CNEP1R1: variants seen among roughly 807,000 people sequenced by gnomAD.
The protein encoded by CNEP1R1 is nuclear envelope phosphatase-regulatory subunit 1.
Under a neutral mutation model 22.7 loss-of-function variants are expected in CNEP1R1, and 10 were observed. The ratio of observed to expected loss-of-function variants is 0.44; its 90% confidence interval spans 0.27 to 0.75. The LOEUF is 0.75. CNEP1R1 is among the 30% of genes least tolerant of loss of function. CNEP1R1 has a pLI of 0.17. For missense variants in CNEP1R1, 73 were observed against 151.5 expected, an observed-to-expected ratio of 0.48 and a Z score of 2.72; for synonymous variants, 53 against 50.1, an observed-to-expected ratio of 1.06 and a Z score of -0.25.
At position 50,036,923 on chromosome 16, in the gene CNEP1R1, AG is replaced by A. The variant is rs2036284725; in HGVS notation, c.*1466del. The A allele has an allele frequency of 6.6e-6, 1 of 152,666 alleles. No individual in the cohort carries two copies. The highest frequency in any genetic ancestry group is 2.4e-5 in the African/African-American group (1 of 41,462). The allele number at this position is 152,666 out of a possible 1,614,324, so 9.5% of individuals were successfully genotyped here. ...CATTTAACTTAAATGTGTTCATCTT[AG>A]CTTTCACTTGTATAAAATTTGATTC... On this transcript the variant is annotated 3_prime_UTR_variant, in exon 6 of 6. Coordinates refer to ENST00000427478, the MANE Select transcript of CNEP1R1 (RefSeq NM_001281789.2).
Position 50,035,514 on chromosome 16 carries a change from C to A in CNEP1R1, c.*56C>A. The A allele has an allele frequency of 7.8e-7, 1 of 1,283,840 alleles. No homozygotes were observed. Among genetic ancestry groups the A allele is most frequent in the African/African-American group, 1.5e-5 (1 of 67,876 alleles). 79.5% of individuals were successfully genotyped at this position (1,283,840 alleles called of 1,614,324 possible). A position where few individuals can be genotyped will look rare whatever the true frequency, so the allele number is the denominator to read the frequency against. On this transcript the variant is annotated 3_prime_UTR_variant, in exon 6 of 6. Coordinates refer to ENST00000427478, the MANE Select transcript of CNEP1R1 (RefSeq NM_001281789.2). ...ATAGCCTTTCTTCGAATAAGTGATA[C>A]AGCAAAAAGCCATAAAGGATTCCTT...
chr16:50,031,136 C>G (rs2036227884), intron 3 of CNEP1R1, among the ~76,000 whole-genome samples: 2 of 152,144 alleles, frequency 1.3e-5, no homozygotes, highest in East Asian at 1.9e-4. Flanking sequence ...TAAAAATCCC[C>G]TCCCCGCTTT....
At chr16:50,033,374 T>G in intron 3 of CNEP1R1, 23 bp from the exon 4 acceptor site, 1 of 1,274,810 alleles carries the variant, frequency 7.8e-7, no homozygotes. Flanking sequence ...AACATTTTTA[T>G]ATTTTCATCT....
At chr16:50,032,384 T>C (rs990273429) in intron 3 of CNEP1R1, among the ~76,000 whole-genome samples, 4 of 152,244 alleles carry the variant, frequency 2.6e-5, no homozygotes, top group African/African-American at 9.6e-5. Context: ...TCTGCTATCA[T>C]TTGATATGTC....
rs76895507 is a variant in CNEP1R1 at position 50,035,195 on chromosome 16, T to C, written c.337-222T>C. ...AGCAAGACACCGTCTCTACAAAAAA[T>C]GAAAAGAGGAGAAAAAAAGATGTAT... On this transcript the variant is annotated intron_variant, in intron 5 of 5. Transcript: ENST00000427478. 7.2e-3 allele frequency among the ~76,000 whole-genome samples: 1,091 copies of C among 151,556 alleles called. 17 individuals are homozygous for C. The highest frequency in any genetic ancestry group is 0.025 in the African/African-American group (1,045 of 41,304).
chr16:50,035,374 T>G, intron 5 of CNEP1R1, 43 bp from the exon 6 acceptor site: 1 of 1,145,030 alleles, frequency 8.7e-7, no homozygotes. Flanking sequence ...GTATTTTTAC[T>G]AGAACTGTGT....
chr16:50,030,687 G>T (rs2036223981), intron 3 of CNEP1R1, among the ~76,000 whole-genome samples: 1 of 152,164 alleles, frequency 6.6e-6, no homozygotes. Context: ...GCCAGAATTG[G>T]ATTATAAATT....
rs2036277529 is a variant in CNEP1R1, at chr16:50,036,267, T to C, written c.*809T>C. On this transcript the variant is annotated 3_prime_UTR_variant, in exon 6 of 6. Transcript: ENST00000427478. Reference sequence around the variant, plus strand: ...GATTCTCCTGCTTCAGCCTTCTGAGTAGCTGGGACTACAGGCGCATGCCAC... The same window carrying C: ...GATTCTCCTGCTTCAGCCTTCTGAGCAGCTGGGACTACAGGCGCATGCCAC... 6.6e-6 allele frequency: 1 copy of C among 151,728 alleles called. No homozygotes were observed. The highest frequency in any genetic ancestry group is 2.4e-5 in the African/African-American group (1 of 41,246). The allele number at this position is 151,728 out of a possible 1,614,324, so 9.4% of individuals were successfully genotyped here.
intron 1 of CNEP1R1, 191 bp downstream of exon 1, chr16:50,025,531 T>A: frequency 8.9e-7 from 1 of 1,120,788 alleles, no homozygotes. Flanking sequence ...GCTCCCTGAG[T>A]CCCCACAAAC....
intron 1 of CNEP1R1, chr16:50,025,890 A>G (rs373939451): frequency 1.5e-4 from 90 of 590,944 alleles, no homozygotes; most frequent in South Asian, 7.2e-4. Context: ...ACTCGCTATC[A>G]GTGTCAAGAA....
At chr16:50,033,532 C>T in intron 4 of CNEP1R1, 26 bp downstream of exon 4, 1 of 1,261,302 alleles carries the variant, frequency 7.9e-7, no homozygotes. Flanking sequence ...GATTAAATTC[C>T]ATTCTCTGAA....
intron 3 of CNEP1R1, among the ~76,000 whole-genome samples, chr16:50,030,656 G>A (rs1050194861): frequency 2.6e-5 from 4 of 152,136 alleles, no homozygotes; most frequent in African/African-American, 9.7e-5. Context: ...TGATGTATAG[G>A]CCATGTTTCC....
At chr16:50,026,354 A>G (rs1173092459) in intron 1 of CNEP1R1, 42 bp from the exon 2 acceptor site, 1 of 1,393,358 alleles carries the variant, frequency 7.2e-7, no homozygotes, top group East Asian at 2.3e-5. Context: ...TCGTCAGACG[A>G]GTAAGAGTGG....
At chr16:50,025,948 G>A (rs1567409591) in intron 1 of CNEP1R1, among the ~76,000 whole-genome samples, 1 of 152,206 alleles carries the variant, frequency 6.6e-6, no homozygotes, top group African/African-American at 2.4e-5. Flanking sequence ...ATAAGAGCTG[G>A]AAACCGGAGG....
At chr16:50,028,684 G>A (rs981853106) in intron 2 of CNEP1R1, among the ~76,000 whole-genome samples, 1 of 152,106 alleles carries the variant, frequency 6.6e-6, no homozygotes, top group African/African-American at 2.4e-5. Context: ...TAATGAACCA[G>A]TCAAATAAAG....
intron 2 of CNEP1R1, among the ~76,000 whole-genome samples, chr16:50,027,467 C>T (rs975516187): frequency 2.7e-5 from 4 of 147,952 alleles, no homozygotes; most frequent in African/African-American, 1.0e-4. Context: ...GAGATTGCAC[C>T]ACTGCACTCC....
At position 50,025,245 on chromosome 16, in the gene CNEP1R1, C is replaced by T. The variant is rs971179374; in HGVS notation, c.-71C>T. ...CGGTTAGAGGTGGGAGTTGGCGCTGCGGGCCGGGCGGGGGCCGCGGAAGCT... is the reference window on the plus strand; with the variant it reads ...CGGTTAGAGGTGGGAGTTGGCGCTGTGGGCCGGGCGGGGGCCGCGGAAGCT... On this transcript the variant is annotated 5_prime_UTR_variant, in exon 1 of 6. Transcript: ENST00000427478. The T allele has an allele frequency of 3.7e-6, 5 of 1,366,450 alleles. No homozygotes were observed. Among genetic ancestry groups the T allele is most frequent in the Admixed American group, 3.6e-5 (1 of 27,796 alleles). The allele number at this position is 1,366,450 out of a possible 1,614,324, so 84.6% of individuals were successfully genotyped here. A position where few individuals can be genotyped will look rare whatever the true frequency, so the allele number is the denominator to read the frequency against.
intron 3 of CNEP1R1, among the ~76,000 whole-genome samples, chr16:50,032,621 A>T (rs1255943264): frequency 6.6e-6 from 1 of 152,186 alleles, no homozygotes; most frequent in African/African-American, 2.4e-5. Flanking sequence ...AAGGCAGCAT[A>T]TGTGTGGAAA....
intron 5 of CNEP1R1, 147 bp downstream of exon 5, chr16:50,034,303 T>A (rs1048558770): frequency 1.7e-6 from 1 of 603,216 alleles, no homozygotes; most frequent in African/African-American, 1.9e-5. Context: ...TCTAAGGTAC[T>A]TTTACATTTA....
Sources: allele counts gnomAD v4.1 joint callset (sites outside exome capture counted in the v4.1 genomes callset), GRCh38; gene constraint gnomAD v4.1.1; transcripts MANE v1.5; gene names NCBI Gene and HGNC (gene_info 2026-07-23, HGNC 2026-07-21).